The following SOX5 variants were observed in gnomAD, a reference collection of about 807,000 sequenced individuals.
SOX5 encodes the protein transcription factor SOX-5.
Under a neutral mutation model 92.0 loss-of-function variants are expected in SOX5, and 9 were observed. That is an observed-to-expected ratio of 0.10 (90% CI 0.06 to 0.17). The LOEUF (loss-of-function observed/expected upper bound fraction) is 0.17, where lower values mean the gene tolerates loss of function less well. SOX5 is among the 10% of genes least tolerant of loss of function. The pLI, the probability that SOX5 is intolerant of heterozygous loss-of-function variation, is 1.00. For missense variants in SOX5, 642 were observed against 944.5 expected (o/e 0.68, Z 4.20); for synonymous variants, 344 against 336.3 (o/e 1.02, Z -0.25).
intron 1 of SOX5, among the ~76,000 whole-genome samples, chr12:23,934,184 G>T (rs1295405238): frequency 3.3e-5 from 5 of 151,166 alleles, no homozygotes; most frequent in Admixed American, 2.0e-4. Context: ...AGATATCAGG[G>T]CTCCCAAAAC....
intron 6 of SOX5, among the ~76,000 whole-genome samples, chr12:23,701,837 A>C (rs1333044121): frequency 6.6e-6 from 1 of 152,054 alleles, no homozygotes; most frequent in East Asian, 1.9e-4. Context: ...AGATTTTTAC[A>C]TTCTCCTCCA....
intron 1 of SOX5, among the ~76,000 whole-genome samples, chr12:23,918,339 A>G (rs1359215330): frequency 1.3e-5 from 2 of 152,176 alleles, no homozygotes; most frequent in Non-Finnish European, 2.9e-5. Context: ...AACGGCATAC[A>G]ATTTTAGCAT....
chr12:24,304,393 T>C (rs1036723423), intron 2 of SOX5, among the ~76,000 whole-genome samples: 1 of 152,180 alleles, frequency 6.6e-6, no homozygotes, highest in African/African-American at 2.4e-5. Flanking sequence ...TGTACTATGT[T>C]AGAAAAAGAG....
At chr12:23,700,827 C>T (rs1237975811) in intron 6 of SOX5, among the ~76,000 whole-genome samples, 1 of 151,872 alleles carries the variant, frequency 6.6e-6, no homozygotes, top group East Asian at 1.9e-4. Context: ...CCTTAGTGTA[C>T]TGTATTTTGG....
chr12:24,515,745 T>C (rs1263166815), intron 1 of SOX5, among the ~76,000 whole-genome samples: 5 of 152,204 alleles, frequency 3.3e-5, no homozygotes, highest in Non-Finnish European at 5.9e-5. Context: ...ATCAACACTT[T>C]GTCTATATAC....
intron 4 of SOX5, among the ~76,000 whole-genome samples, chr12:24,212,177 G>A (rs937327191): frequency 8.5e-5 from 13 of 152,254 alleles, no homozygotes; most frequent in African/African-American, 2.6e-4. Flanking sequence ...AGATATAGTC[G>A]AAATTTATCT....
At chr12:23,860,649 T>C (rs2096744502) in intron 2 of SOX5, among the ~76,000 whole-genome samples, 1 of 152,164 alleles carries the variant, frequency 6.6e-6, no homozygotes, top group African/African-American at 2.4e-5. Flanking sequence ...GATCTTTAAA[T>C]TTGTATATGG....
chr12:24,145,709 G>A (rs61130471), intron 4 of SOX5, among the ~76,000 whole-genome samples: 22,000 of 152,068 alleles, frequency 0.14, 1,765 homozygotes, highest in East Asian at 0.34. Flanking sequence ...GTTTCACTAC[G>A]TTGCCCAGGC....
At chr12:24,270,111 G>A (rs1187593416) in intron 3 of SOX5, among the ~76,000 whole-genome samples, 2 of 151,862 alleles carry the variant, frequency 1.3e-5, no homozygotes, top group East Asian at 1.9e-4. Flanking sequence ...GTCCAGGCTG[G>A]AGTGCAGTGG....
At chr12:24,367,979 C>A (rs1956339396) in intron 2 of SOX5, 1 of 152,136 alleles carries the variant, frequency 6.6e-6, no homozygotes, top group African/African-American at 2.4e-5. Flanking sequence ...AGGCATCCTG[C>A]ATGGTTACTG....
intron 1 of SOX5, among the ~76,000 whole-genome samples, chr12:24,472,621 C>G (rs1222498055): frequency 6.6e-6 from 1 of 152,112 alleles, no homozygotes; most frequent in Non-Finnish European, 1.5e-5. Flanking sequence ...TCCATAGACT[C>G]TATTTTGATT....
rs183880439 is a variant in SOX5 at position 24,171,920 on chromosome 12, G to A, written c.-2+41423C>T. Among the ~76,000 whole-genome samples the A allele has an allele frequency of 2.0e-5, 3 of 152,242 alleles. No individual in the cohort carries two copies. The East Asian group carries it at 5.8e-4, about 30-fold the overall frequency. ...TTTTCACAGAGAAAGTGGCATTTAA[G>A]TTGAGTCTTGAAGTTAGGGTTAGAG... On this transcript the variant is annotated intron_variant, in intron 4 of 4. Transcript: ENST00000446891.
intron 9 of SOX5, among the ~76,000 whole-genome samples, chr12:23,598,116 A>G (rs904623599): frequency 2.6e-5 from 4 of 152,172 alleles, no homozygotes; most frequent in African/African-American, 9.7e-5. Context: ...CCTGTGTAGT[A>G]AGCCATGATT....
chr12:24,482,512 G>A (rs1485622363), intron 1 of SOX5, among the ~76,000 whole-genome samples: 1 of 152,162 alleles, frequency 6.6e-6, no homozygotes, highest in Non-Finnish European at 1.5e-5. Context: ...TGTAGTTGTT[G>A]ATCAGTGTGG....
intron 9 of SOX5, among the ~76,000 whole-genome samples, chr12:23,580,262 G>A (rs1225079532): frequency 6.6e-6 from 1 of 151,928 alleles, no homozygotes; most frequent in Non-Finnish European, 1.5e-5. Flanking sequence ...TTTAATTTCT[G>A]TGACAAATTT....
At chr12:24,068,101 C>T (rs528263744) in intron 4 of SOX5, among the ~76,000 whole-genome samples, 1 of 152,150 alleles carries the variant, frequency 6.6e-6, no homozygotes, top group East Asian at 1.9e-4. Context: ...GCCAAGATTG[C>T]GCCACTGCAC....
At chr12:24,076,726 G>C (rs968978668) in intron 4 of SOX5, among the ~76,000 whole-genome samples, 3 of 109,148 alleles carry the variant, frequency 2.7e-5, no homozygotes, top group African/African-American at 1.1e-4. Context: ...TTTTTGTAAT[G>C]GTTGGTAAGA....
chr12:24,113,368 C>A (rs1947605159), intron 4 of SOX5, among the ~76,000 whole-genome samples: 1 of 150,510 alleles, frequency 6.6e-6, no homozygotes, highest in Non-Finnish European at 1.5e-5. Flanking sequence ...TGGTAAAGTT[C>A]AGGAAAAAAT....
chr12:24,277,561 A>T (rs938677077), intron 2 of SOX5, among the ~76,000 whole-genome samples: 2 of 75,146 alleles, frequency 2.7e-5, no homozygotes, highest in Admixed American at 2.8e-4. Context: ...TTATATTTAT[A>T]TATTAAATAT....
Sources: allele counts gnomAD v4.1 joint callset (sites outside exome capture counted in the v4.1 genomes callset), GRCh38; gene constraint gnomAD v4.1.1; transcripts MANE v1.5; gene names NCBI Gene and HGNC (gene_info 2026-07-23, HGNC 2026-07-21).